The following THRB variants were observed in gnomAD, a reference collection of about 807,000 sequenced individuals.
The protein encoded by THRB is thyroid hormone receptor beta.
Under a neutral mutation model 47.8 loss-of-function variants are expected in THRB, and 12 were observed. The observed-to-expected ratio is 0.25, with a 90% CI of 0.16 to 0.41. The LOEUF (loss-of-function observed/expected upper bound fraction) is 0.41, where lower values mean the gene tolerates loss of function less well. Among genes scored for constraint, THRB ranks in the 10% least tolerant of loss-of-function variants. The pLI is 1.00. For synonymous variants in THRB, 218 were observed against 212.2 expected (o/e 1.03, Z -0.24); for missense variants, 348 against 589.2 (o/e 0.59, Z 4.24).
In THRB at chr3:24,287,346, A is replaced by G. The variant is rs1005438718; in HGVS notation, c.-43+9880T>C. ...CTTGATTGATCAAAAACAGAAAAAG[A>G]ACCTGCAGTTGGACTGTATGTTTGT... On this transcript the variant is annotated intron_variant, in intron 3 of 10. Coordinates refer to ENST00000646209, the MANE Select transcript of THRB (RefSeq NM_001354712.2). 1.4e-4 allele frequency among the ~76,000 whole-genome samples: 21 copies of G among 152,324 alleles called. No homozygotes were observed. The South Asian group carries it at 3.9e-3, about 29-fold the overall frequency.
chr3:24,343,597 A>G (rs1375757897), intron 1 of THRB, among the ~76,000 whole-genome samples: 2 of 152,132 alleles, frequency 1.3e-5, no homozygotes, highest in Non-Finnish European at 2.9e-5. Flanking sequence ...AGAAAGTTCT[A>G]AGATAAACAT....
intron 2 of THRB, among the ~76,000 whole-genome samples, chr3:24,320,596 C>A (rs1309266643): frequency 2.0e-5 from 3 of 152,078 alleles, no homozygotes; most frequent in African/African-American, 7.2e-5. Context: ...ATGGCCTAAT[C>A]CACCCTGAAT....
Position 24,117,252 on chromosome 3 carries a change from G to T in THRB, c.*5632C>A. ...GGAGAACCGCTTGCTGTACTGAAAT[G>T]GGATGTTGTTTTAGATTTACCTTTG... is the stretch of plus-strand genomic sequence containing the variant. On this transcript the variant is annotated 3_prime_UTR_variant, in exon 11 of 11. Coordinates refer to ENST00000646209, the MANE Select transcript of THRB (RefSeq NM_001354712.2). The T allele has an allele frequency of 6.6e-6, 1 of 152,226 alleles. No individual in the cohort carries two copies. The highest frequency in any genetic ancestry group is 1.5e-5 in the Non-Finnish European group (1 of 68,040). The allele number at this position is 152,226 out of a possible 1,614,324, so 9.4% of individuals were successfully genotyped here.
chr3:24,296,191 A>C (rs1359161850), intron 3 of THRB, among the ~76,000 whole-genome samples: 1 of 152,204 alleles, frequency 6.6e-6, no homozygotes, highest in Admixed American at 6.5e-5. Flanking sequence ...AATTAACTAT[A>C]AGCATTAACC....
intron 6 of THRB, among the ~76,000 whole-genome samples, chr3:24,149,082 C>T (rs978376963): frequency 6.6e-6 from 1 of 152,120 alleles, no homozygotes; most frequent in African/African-American, 2.4e-5. Flanking sequence ...AATGTCAGAG[C>T]ATGCCATGAG....
intron 1 of THRB, among the ~76,000 whole-genome samples, chr3:24,357,871 A>C (rs1407528172): frequency 6.6e-6 from 1 of 152,052 alleles, no homozygotes; most frequent in African/African-American, 2.4e-5. Flanking sequence ...GTTTTTCTGA[A>C]AACTTTGTCT....
intron 1 of THRB, among the ~76,000 whole-genome samples, chr3:24,345,922 G>T (rs187811125): frequency 1.3e-4 from 19 of 151,892 alleles, no homozygotes; most frequent in Non-Finnish European, 7.4e-5. Flanking sequence ...TTATGTCAAT[G>T]AGACTTTAAT....
intron 1 of THRB, among the ~76,000 whole-genome samples, chr3:24,455,839 A>C (rs2073118831): frequency 6.6e-6 from 1 of 152,196 alleles, no homozygotes; most frequent in South Asian, 2.1e-4. Context: ...GCATGTGTCC[A>C]TGCTCAGTGT....
intron 1 of THRB, among the ~76,000 whole-genome samples, chr3:24,456,288 T>C (rs1057424047): frequency 6.6e-6 from 1 of 150,998 alleles, no homozygotes; most frequent in Non-Finnish European, 1.5e-5. Flanking sequence ...TGAGCCATGA[T>C]AGCAACACTG....
At position 24,205,760 on chromosome 3, in the gene THRB, C is replaced by T. The variant is rs1224743410; in HGVS notation, c.23-15426G>A. Among the ~76,000 whole-genome samples the T allele has an allele frequency of 2.6e-5, 4 of 152,176 alleles. No individual in the cohort carries two copies. The East Asian group carries it at 5.8e-4, about 22-fold the overall frequency. On this transcript the variant is annotated intron_variant, in intron 4 of 10. Transcript: ENST00000646209. The stretch of plus-strand genomic sequence containing the variant: ...TGTGCTGTATTCAGGAAACCCATCT[C>T]ATGTGCAGAGACACACATAGGCTCA...
rs760844296 is a variant in THRB at position 24,456,333 on chromosome 3, TA to T, written c.-261+38318del. Among the ~76,000 whole-genome samples, 700 of 130,358 alleles carry T rather than the reference TA, an allele frequency of 5.4e-3. 2 individuals carry two copies. The highest frequency in any genetic ancestry group is 0.012 in the Middle Eastern group (3 of 248). The allele number at this position is 130,358 out of a possible 152,430, so 85.5% of individuals were successfully genotyped here. On this transcript the variant is annotated intron_variant, in intron 1 of 10. Transcript: ENST00000646209. ...CTGGATGACAGTGTGAGACCCTGTCTAAAAAAAAAAAAAAAGTTAAAAATGT... is the reference window on the plus strand; with the variant it reads ...CTGGATGACAGTGTGAGACCCTGTCTAAAAAAAAAAAAAAGTTAAAAATGT...
intron 5 of THRB, chr3:24,165,155 C>T (rs1044616175): frequency 2.6e-6 from 2 of 765,004 alleles, no homozygotes; most frequent in East Asian, 2.4e-5. Context: ...AAACATGTTT[C>T]CAGGGTAACT....
intron 1 of THRB, among the ~76,000 whole-genome samples, chr3:24,493,413 T>C (rs897099129): frequency 6.6e-6 from 1 of 152,242 alleles, no homozygotes; most frequent in African/African-American, 2.4e-5. Context: ...AGGTCTACAT[T>C]ACCTAATACA....
At chr3:24,493,221 G>C (rs543306201) in intron 1 of THRB, among the ~76,000 whole-genome samples, 1 of 152,148 alleles carries the variant, frequency 6.6e-6, no homozygotes, top group African/African-American at 2.4e-5. Context: ...GACTGATTTC[G>C]GAATTAGAAA....
chr3:24,229,013 A>AG lies in THRB; in HGVS notation c.-42-13_-42-12insC, dbSNP rs914540038. The AG allele has an allele frequency of 4.1e-6, 6 of 1,446,984 alleles. No homozygotes were observed. The African/African-American group carries it at 8.4e-5, about 20-fold the overall frequency. 89.6% of individuals were successfully genotyped at this position (1,446,984 alleles called of 1,614,324 possible). On this transcript the variant is annotated splice_polypyrimidine_tract_variant and intron_variant, in intron 3 of 10. Transcript: ENST00000646209. ...TTCACTGACATCTCCTACAAGGAAA[A>AG]AATACAAAAAAAATCACAGATTATA... is the stretch of plus-strand genomic sequence containing the variant.
rs866007839 is a variant in THRB at position 24,487,351 on chromosome 3, C to T, written c.-261+7301G>A. Reference sequence around the variant, plus strand: ...AAGGTTTTAGACACACAAGCACACACACACACACACACACACACAAATAAA... The same window carrying T: ...AAGGTTTTAGACACACAAGCACACATACACACACACACACACACAAATAAA... On this transcript the variant is annotated intron_variant, in intron 1 of 10. Transcript: ENST00000646209. 5.4e-3 allele frequency among the ~76,000 whole-genome samples: 823 copies of T among 151,926 alleles called. 7 individuals carry two copies. The highest frequency in any genetic ancestry group is 0.019 in the African/African-American group (797 of 41,352).
At chr3:24,160,202 C>T (rs933022381) in intron 5 of THRB, among the ~76,000 whole-genome samples, 1 of 152,104 alleles carries the variant, frequency 6.6e-6, no homozygotes, top group Non-Finnish European at 1.5e-5. Flanking sequence ...GAGAGAGGAA[C>T]CCATGGGGAG....
intron 1 of THRB, among the ~76,000 whole-genome samples, chr3:24,469,761 C>T (rs563532588): frequency 5.9e-5 from 9 of 152,214 alleles, no homozygotes; most frequent in African/African-American, 1.9e-4. Flanking sequence ...AAACTATGAG[C>T]GCGTGGTAAA....
intron 3 of THRB, among the ~76,000 whole-genome samples, chr3:24,274,883 G>GT (rs11292201): frequency 2.6e-4 from 39 of 152,042 alleles, no homozygotes; most frequent in African/African-American, 7.0e-4. Flanking sequence ...GAGAGAGACA[G>GT]TTTTTTTTAT....
Sources: gnomAD v4.1 joint callset for allele counts (sites outside exome capture counted in the v4.1 genomes callset) on GRCh38, gnomAD v4.1.1 for gene constraint, MANE v1.5 for transcripts, NCBI Gene and HGNC (gene_info 2026-07-23, HGNC 2026-07-21) for gene names.